The following GALK2 variants were observed in gnomAD, a reference collection of about 807,000 sequenced individuals.
GALK2 encodes the protein galactokinase 2.
GALK2 carries 36 observed loss-of-function variants against 52.4 expected under a neutral mutation model. The ratio of observed to expected loss-of-function variants is 0.69; its 90% CI spans 0.53 to 0.91. The LOEUF is 0.91. Among genes scored for constraint, GALK2 ranks in the 40% least tolerant of loss-of-function variants. The pLI is 0.00. For synonymous variants in GALK2, 176 were observed against 199.1 expected, an observed-to-expected ratio of 0.88 and a Z score of 0.98; for missense variants, 579 against 559.1, an observed-to-expected ratio of 1.04 and a Z score of -0.36.
chr15:49,177,760 G>A, intron 1 of GALK2: 1 of 754,568 alleles, frequency 1.3e-6, no homozygotes, highest in Non-Finnish European at 2.0e-6. Context: ...GACTGGTTTG[G>A]TGATCCACTG....
intron 5 of GALK2, among the ~76,000 whole-genome samples, chr15:49,275,715 GTAT>G (rs1448062792): frequency 6.6e-6 from 1 of 152,068 alleles, no homozygotes; most frequent in Non-Finnish European, 1.5e-5. Context: ...TGAGTCTTTT[GTAT>G]TATTATTATT....
chr15:49,287,831 T>C (rs1244585042), intron 7 of GALK2, among the ~76,000 whole-genome samples: 3 of 152,222 alleles, frequency 2.0e-5, no homozygotes, highest in Non-Finnish European at 4.4e-5. Context: ...GAGTACCTTT[T>C]TTTAATCAAG....
chr15:49,308,455 T>C (rs1247943286), intron 8 of GALK2, among the ~76,000 whole-genome samples: 2 of 152,228 alleles, frequency 1.3e-5, no homozygotes, highest in African/African-American at 4.8e-5. Context: ...TTTCCAGTTA[T>C]CTCAGACCAG....
At chr15:49,284,250 A>G (rs1231507200) in intron 7 of GALK2, among the ~76,000 whole-genome samples, 1 of 152,172 alleles carries the variant, frequency 6.6e-6, no homozygotes, top group Non-Finnish European at 1.5e-5. Flanking sequence ...TAAACCTTAA[A>G]TCTATTTAGG....
chr15:49,311,966 G>A (rs771375223), intron 8 of GALK2, among the ~76,000 whole-genome samples: 1 of 152,198 alleles, frequency 6.6e-6, no homozygotes, highest in African/African-American at 2.4e-5. Flanking sequence ...TGGGCCGGGG[G>A]CTGTCCACAC....
At chr15:49,300,410 T>C (rs1459350417) in intron 8 of GALK2, among the ~76,000 whole-genome samples, 1 of 152,128 alleles carries the variant, frequency 6.6e-6, no homozygotes, top group Non-Finnish European at 1.5e-5. Context: ...CTGTGTCTTT[T>C]AAGTGGGGCA....
chr15:49,343,778 C>G (rs72727268), intron 3 of GALK2: 18 of 152,312 alleles, frequency 1.2e-4, no homozygotes, highest in Non-Finnish European at 2.2e-4. Context: ...TGAAAGACAG[C>G]ATTGTCTTCA....
chr15:49,321,009 G>A (rs754779657), intron 9 of GALK2, among the ~76,000 whole-genome samples: 5 of 152,224 alleles, frequency 3.3e-5, no homozygotes, highest in Non-Finnish European at 5.9e-5. Flanking sequence ...TCTTCCTAGA[G>A]TGGTCAACCT....
At chr15:49,296,293 T>C (rs1284634549) in intron 8 of GALK2, among the ~76,000 whole-genome samples, 1 of 152,160 alleles carries the variant, frequency 6.6e-6, no homozygotes, top group Non-Finnish European at 1.5e-5. Flanking sequence ...CATCCTCAAG[T>C]AGGCCCTGGT....
chr15:49,310,550 TA>T (rs1235388050), intron 8 of GALK2, among the ~76,000 whole-genome samples: 1 of 152,232 alleles, frequency 6.6e-6, no homozygotes, highest in Admixed American at 6.5e-5. Context: ...CATCACTTGT[TA>T]TTTTTTTGTC....
chr15:49,331,826 T>C lies in GALK2; in HGVS notation c.*3667T>C. 4 of 1,611,386 alleles carry C rather than the reference T, an allele frequency of 2.5e-6. No homozygotes were observed. The highest frequency in any genetic ancestry group is 3.4e-6 in the Non-Finnish European group (4 of 1,177,590). ...AAAGTCCTGTTTCACTTCATGAGGT[T>C]TCTTGGTAGCCTTTGCTTGGAGTCT... On this transcript the variant is annotated 3_prime_UTR_variant, in exon 10 of 10. Transcript: ENST00000560031.
intron 3 of GALK2, among the ~76,000 whole-genome samples, chr15:49,218,914 C>T (rs2089589414): frequency 6.6e-6 from 1 of 152,176 alleles, no homozygotes. Context: ...CAACCTCTGC[C>T]TCCCAGGTTC....
At chr15:49,228,689 T>TATATATA (rs2090324004) in intron 3 of GALK2, among the ~76,000 whole-genome samples, 2 of 10,960 alleles carry the variant, frequency 1.8e-4, no homozygotes, top group African/African-American at 6.8e-4. Flanking sequence ...ATATATATAT[T>TATATATA]TTTTTTTTTT....
chr15:49,349,676 A>G (rs566595436), intron 3 of GALK2, among the ~76,000 whole-genome samples: 7 of 152,266 alleles, frequency 4.6e-5, no homozygotes, highest in Non-Finnish European at 1.0e-4. Context: ...AAATATTCTA[A>G]CTGTAAAAAG....
At chr15:49,332,020 A>G, downstream of GALK2, 1 of 581,100 alleles carries the variant, frequency 1.7e-6, no homozygotes, top group South Asian at 2.1e-5. Context: ...CTATTATCCT[A>G]TTTTATAAAT....
intron 8 of GALK2, among the ~76,000 whole-genome samples, chr15:49,296,765 A>C (rs998487379): frequency 1.3e-5 from 2 of 151,992 alleles, no homozygotes; most frequent in African/African-American, 4.8e-5. Context: ...ACGCCCAGCT[A>C]ATTTTTTGTA....
chr15:49,162,448 AT>A (rs1417129865), intron 1 of GALK2, among the ~76,000 whole-genome samples: 3 of 152,312 alleles, frequency 2.0e-5, no homozygotes, highest in African/African-American at 7.2e-5. Context: ...TGCTAAGAAC[AT>A]TTGTGCACAA....
At chr15:49,354,485 G>T (rs539495497) in intron 3 of GALK2, among the ~76,000 whole-genome samples, 1 of 152,180 alleles carries the variant, frequency 6.6e-6, no homozygotes, top group African/African-American at 2.4e-5. Flanking sequence ...AAGGGGTGAC[G>T]GACGGCACCT....
At chr15:49,367,527 G>C (rs1247692684) in exon 4 of GALK2, 1 of 1,606,548 alleles carries the variant, frequency 6.2e-7, no homozygotes, top group Non-Finnish European at 8.5e-7. Context: ...TGCATCTTAA[G>C]ATAATATAAA....
Sources: allele counts gnomAD v4.1 joint callset (sites outside exome capture counted in the v4.1 genomes callset), GRCh38; gene constraint gnomAD v4.1.1; transcripts MANE v1.5; gene names NCBI Gene and HGNC (gene_info 2026-07-23, HGNC 2026-07-21).